CD58: variants seen among roughly 807,000 people sequenced by gnomAD.
CD58 encodes lymphocyte function-associated antigen 3.
A neutral mutation model predicts 27.6 loss-of-function variants in CD58; 14 were observed. That is an observed-to-expected ratio of 0.51 (90% CI 0.34 to 0.79). CD58 has a LOEUF of 0.79. Ranked by LOEUF, CD58 falls within the 30% of genes least tolerant of loss-of-function variation. The pLI is 0.02. For synonymous variants in CD58, 117 were observed against 103.8 expected (o/e 1.13, Z -0.77); for missense variants, 268 against 301.7 (o/e 0.89, Z 0.83).
rs920733746 is a variant in CD58 at position 116,524,201 on chromosome 1, T to C, written c.629-2218A>G. Among the ~76,000 whole-genome samples the C allele has an allele frequency of 3.3e-5, 5 of 152,186 alleles. No individual in the cohort carries two copies. The South Asian group carries it at 1.0e-3, about 32-fold the overall frequency. On this transcript the variant is annotated intron_variant, in intron 3 of 5. Coordinates refer to ENST00000369489, the MANE Select transcript of CD58 (RefSeq NM_001779.3). The surrounding 1 kb of genome is among the most constrained non-coding windows in gnomAD (Gnocchi z 4.6). ...TCCCAAAGGCCCTAGTTCATTTTCA[T>C]GGGAAATGATAATTAGGTACCATAA...
At chr1:116,526,272 CAA>C (rs1356662942) in intron 3 of CD58, among the ~76,000 whole-genome samples, 2 of 152,100 alleles carry the variant, frequency 1.3e-5, no homozygotes, top group African/African-American at 4.8e-5. Context: ...TCATCATATC[CAA>C]AGTTATCTAG....
chr1:116,519,075 C>T lies in CD58; in HGVS notation c.743+156G>A. The T allele has an allele frequency of 6.9e-7, 1 of 1,443,060 alleles. No homozygotes were observed. Among genetic ancestry groups the T allele is most frequent in the Non-Finnish European group, 9.2e-7 (1 of 1,086,904 alleles). 89.4% of individuals were successfully genotyped at this position (1,443,060 alleles called of 1,614,324 possible). ...TGCAGTGCATGGCACACAGTTGGTA[C>T]TTAATACACTATGGTTAGTATATCT... On this transcript the variant is annotated intron_variant, in intron 5 of 5. Coordinates refer to ENST00000369489, the MANE Select transcript of CD58 (RefSeq NM_001779.3). The surrounding 1 kb of genome is among the most constrained non-coding windows in gnomAD (Gnocchi z 4.7).
intron 1 of CD58, among the ~76,000 whole-genome samples, chr1:116,562,375 G>C (rs540192718): frequency 6.6e-6 from 1 of 152,128 alleles, no homozygotes; most frequent in African/African-American, 2.4e-5. Context: ...CTGGAATGCA[G>C]TTGTGTCATC....
chr1:116,544,837 G>A (rs1287435319), intron 1 of CD58, among the ~76,000 whole-genome samples: 1 of 152,186 alleles, frequency 6.6e-6, no homozygotes, highest in African/African-American at 2.4e-5. Flanking sequence ...AGTACGGGCT[G>A]GGCTGGGAAT....
At position 116,536,157 on chromosome 1, in the gene CD58, C is replaced by G; in HGVS notation, c.436G>C (p.Glu146Gln). The change falls in exon 3 of 6, where the codon GAG (glutamate) becomes CAG (glutamine). Residue 146 changes from glutamate to glutamine, a missense_variant. Coordinates refer to ENST00000369489, the MANE Select transcript of CD58 (RefSeq NM_001779.3). The surrounding 1 kb of genome is among the most constrained non-coding windows in gnomAD (Gnocchi z 5.4). ...AGTCCTCGATGGCTGTTGTAATGCT[C>G]TGGTATCATGCATTGGACTTCAATG... ...GSIEVQCMIP[E>Q]HYNSHRGLIM... 5 of 1,612,750 alleles carry G rather than the reference C, an allele frequency of 3.1e-6. No individual in the cohort carries two copies. Among genetic ancestry groups the G allele is most frequent in the Non-Finnish European group, 4.2e-6 (5 of 1,178,846 alleles).
At chr1:116,525,731 G>A (rs1339494256) in intron 3 of CD58, among the ~76,000 whole-genome samples, 1 of 152,198 alleles carries the variant, frequency 6.6e-6, no homozygotes, top group Non-Finnish European at 1.5e-5. Flanking sequence ...TGTGATAGGC[G>A]TGAAGTGGTA....
Position 116,514,734 on chromosome 1 carries a change from TACTC to T in CD58, c.*75_*78del. ...TCCAACAGTTGTTCAAAAATTGTAATACTCAAATGAGAAATCAGATGGCTTTTTA... is the reference window on the plus strand; with the variant it reads ...TCCAACAGTTGTTCAAAAATTGTAATAAATGAGAAATCAGATGGCTTTTTA... On this transcript the variant is annotated 3_prime_UTR_variant, in exon 6 of 6. Transcript: ENST00000369489. 3 of 897,918 alleles carry T rather than the reference TACTC, an allele frequency of 3.3e-6. No homozygotes were observed. Among genetic ancestry groups the T allele is most frequent in the Non-Finnish European group, 5.3e-6 (3 of 571,386 alleles). The allele number at this position is 897,918 out of a possible 1,614,324, so 55.6% of individuals were successfully genotyped here. A position where few individuals can be genotyped will look rare whatever the true frequency, so the allele number is the denominator to read the frequency against.
In CD58 at chr1:116,519,251, G is replaced by A. The variant is rs150868128; in HGVS notation, c.723C>T (p.Asp241=). Residue 241 remains aspartate (D), a synonymous_variant, in exon 5 of 6, where the codon GAC becomes GAT. Transcript: ENST00000369489. This position sits in a 1 kb window ranked among gnomAD's most constrained non-coding sequence, Gnocchi z 4.7. Reference sequence around the variant, plus strand: ...CTTACTTGGTTCTGTCTGGTTTTCTGTCACATTTCAGAATACCTAAAAATG... The same window carrying A: ...CTTACTTGGTTCTGTCTGGTTTTCTATCACATTTCAGAATACCTAAAAATG... ...VLYMNGILKC[D]RKPDRTNSN 278 of 1,612,524 alleles carry A rather than the reference G, an allele frequency of 1.7e-4. 2 individuals are homozygous for A. The South Asian group carries it at 2.7e-3, about 16-fold the overall frequency.
intron 1 of CD58, among the ~76,000 whole-genome samples, chr1:116,545,684 T>C (rs1658145429): frequency 6.6e-6 from 1 of 152,144 alleles, no homozygotes; most frequent in Non-Finnish European, 1.5e-5. Context: ...CCACCTGCCC[T>C]CATGAGCCAA....
At position 116,534,428 on chromosome 1, in the gene CD58, G is replaced by A. The variant is rs1472786744; in HGVS notation, c.628+1537C>T. 2.0e-5 allele frequency among the ~76,000 whole-genome samples: 3 copies of A among 152,194 alleles called. No individual in the cohort carries two copies. The highest frequency in any genetic ancestry group is 2.9e-5 in the Non-Finnish European group (2 of 68,038). On this transcript the variant is annotated intron_variant, in intron 3 of 5. Coordinates refer to ENST00000369489, the MANE Select transcript of CD58 (RefSeq NM_001779.3). The surrounding 1 kb of genome is among the most constrained non-coding windows in gnomAD (Gnocchi z 5.3). ...GAAGCCTGAATGCTCCTCCGGGTGC[G>A]CCGCGGCCCTCCGGGTACGCGGGGC... is the stretch of plus-strand genomic sequence containing the variant.
chr1:116,556,524 C>G (rs148288007), intron 1 of CD58, among the ~76,000 whole-genome samples: 1 of 152,238 alleles, frequency 6.6e-6, no homozygotes, highest in African/African-American at 2.4e-5. Context: ...ATTGGAACAG[C>G]AGATGTTGCA....
chr1:116,536,725 T>C lies in CD58; in HGVS notation c.365-497A>G, dbSNP rs945973233. Among the ~76,000 whole-genome samples, 2 of 152,192 alleles carry C rather than the reference T, an allele frequency of 1.3e-5. No individual in the cohort carries two copies. The highest frequency in any genetic ancestry group is 2.4e-5 in the African/African-American group (1 of 41,436). On this transcript the variant is annotated intron_variant, in intron 2 of 5. Transcript: ENST00000369489. The surrounding 1 kb of genome is among the most constrained non-coding windows in gnomAD (Gnocchi z 5.4). Reference sequence around the variant, plus strand: ...AACTGTGAGTCAATTAAACCTCTTTTCTTTATAAATTACCCAGTTTCAGGT... The same window carrying C: ...AACTGTGAGTCAATTAAACCTCTTTCCTTTATAAATTACCCAGTTTCAGGT...
intron 3 of CD58, among the ~76,000 whole-genome samples, chr1:116,525,176 GC>G (rs1657389951): frequency 6.6e-6 from 1 of 152,122 alleles, no homozygotes; most frequent in African/African-American, 2.4e-5. Context: ...TATTTTCACT[GC>G]CCCCAAACTC....
chr1:116,519,101 G>C lies in CD58; in HGVS notation c.743+130C>G, dbSNP rs1657184709. 6.6e-7 allele frequency: 1 copy of C among 1,512,618 alleles called. No individual in the cohort carries two copies. The highest frequency in any genetic ancestry group is 8.9e-7 in the Non-Finnish European group (1 of 1,128,458). The allele number at this position is 1,512,618 out of a possible 1,614,324, so 93.7% of individuals were successfully genotyped here. A position where few individuals can be genotyped will look rare whatever the true frequency, so the allele number is the denominator to read the frequency against. ...TTAATACACTATGGTTAGTATATCT[G>C]CTGATGTTACTTCTTATTACTGTAC... On this transcript the variant is annotated intron_variant, in intron 5 of 5. Coordinates refer to ENST00000369489, the MANE Select transcript of CD58 (RefSeq NM_001779.3). This position sits in a 1 kb window ranked among gnomAD's most constrained non-coding sequence, Gnocchi z 4.7.
Position 116,531,215 on chromosome 1 carries a change from C to T in CD58, c.628+4750G>A, listed in dbSNP as rs1380003914. Among the ~76,000 whole-genome samples, 1 of 152,098 alleles carries T rather than the reference C, an allele frequency of 6.6e-6. No homozygotes were observed. Among genetic ancestry groups the T allele is most frequent in the Admixed American group, 6.6e-5 (1 of 15,266 alleles). ...ACTTTGTGTCTTCAAATTCTAATGGCAAACATAAAGTTAAACATAAAGTTT... is the reference window on the plus strand; with the variant it reads ...ACTTTGTGTCTTCAAATTCTAATGGTAAACATAAAGTTAAACATAAAGTTT... On this transcript the variant is annotated intron_variant, in intron 3 of 5. Transcript: ENST00000369489. This position sits in a 1 kb window ranked among gnomAD's most constrained non-coding sequence, Gnocchi z 4.5.
Position 116,557,207 on chromosome 1 carries a change from C to T in CD58, c.71-12603G>A, listed in dbSNP as rs1269764139. On this transcript the variant is annotated intron_variant, in intron 1 of 5. Transcript: ENST00000369489. This position sits in a 1 kb window ranked among gnomAD's most constrained non-coding sequence, Gnocchi z 5.2. ...ACAGAATAGCAAAATTTGACAGTCACCCCAAACCCTGGGCTTTGTGAAATC... is the reference window on the plus strand; with the variant it reads ...ACAGAATAGCAAAATTTGACAGTCATCCCAAACCCTGGGCTTTGTGAAATC... Among the ~76,000 whole-genome samples, 1 of 152,192 alleles carries T rather than the reference C, an allele frequency of 6.6e-6. No individual in the cohort carries two copies. The highest frequency in any genetic ancestry group is 6.5e-5 in the Admixed American group (1 of 15,282).
chr1:116,536,024 C>T lies in CD58; in HGVS notation c.569G>A (p.Ser190Asn), dbSNP rs769469756. The change falls in exon 3 of 6, where the codon AGC becomes AAC. Residue 190 changes from serine to asparagine, a missense_variant. Coordinates refer to ENST00000369489, the MANE Select transcript of CD58 (RefSeq NM_001779.3). The surrounding 1 kb of genome is among the most constrained non-coding windows in gnomAD (Gnocchi z 5.4). ...DLPQKIQCTL[S>N]NPLFNTTSSI... is the part of the protein sequence containing the mutation. ...TGATGTTGTATTAAATAATGGATTG[C>T]TAAGAGTACACTGTATTTTTTGTGG... 6.2e-7 allele frequency: 1 copy of T among 1,613,030 alleles called. No individual in the cohort carries two copies. Among genetic ancestry groups the T allele is most frequent in the Admixed American group, 1.7e-5 (1 of 59,996 alleles).
At position 116,536,092 on chromosome 1, in the gene CD58, T is replaced by A; in HGVS notation, c.501A>T (p.Lys167Asn). Residue 167 changes from lysine (K) to asparagine (N), a missense_variant, in exon 3 of 6, where the codon AAA becomes AAT. Physicochemically the swap from Lys to Asn is moderately conservative, Grantham distance 94. Coordinates refer to ENST00000369489, the MANE Select transcript of CD58 (RefSeq NM_001779.3). The surrounding 1 kb of genome is among the most constrained non-coding windows in gnomAD (Gnocchi z 5.4). ...YSWDCPMEQC[K>N]RNSTSIYFKM... The stretch of plus-strand genomic sequence containing the variant: ...TAAAATATATACTGGTTGAGTTACG[T>A]TTACATTGCTCCATAGGACAATCCC... 1 of 1,613,886 alleles carries A rather than the reference T, an allele frequency of 6.2e-7. No homozygotes were observed. Among genetic ancestry groups the A allele is most frequent in the Non-Finnish European group, 8.5e-7 (1 of 1,179,882 alleles).
intron 1 of CD58, among the ~76,000 whole-genome samples, chr1:116,547,014 C>T (rs1466650884): frequency 6.7e-6 from 1 of 148,898 alleles, no homozygotes; most frequent in African/African-American, 2.5e-5. Context: ...TTTTTTATTA[C>T]TATTATCTCA....
Sources: allele counts gnomAD v4.1 joint callset (sites outside exome capture counted in the v4.1 genomes callset), GRCh38; gene constraint gnomAD v4.1.1; non-coding constraint Gnocchi (gnomAD v3.1); transcripts MANE v1.5; gene names NCBI Gene and HGNC (gene_info 2026-07-23, HGNC 2026-07-21).